Variants in OR9K2 observed in about 807,000 individuals in gnomAD.
OR9K2 encodes olfactory receptor 9K2.
Under a neutral mutation model 12.4 loss-of-function variants are expected in OR9K2, and 16 were observed. The observed-to-expected ratio is 1.29, with a 90% confidence interval of 0.87 to 1.95. The LOEUF is 1.95. Ranked by LOEUF, OR9K2 falls within the 30% of genes most tolerant of loss-of-function variation. The probability of loss-of-function intolerance (pLI) is 0.00; values close to 1 mark genes in which losing one functional copy is unlikely to be tolerated. For missense variants in OR9K2, 434 were observed against 376.5 expected, an observed-to-expected ratio of 1.15 and a Z score of -1.26; for synonymous variants, 133 against 133.2, an observed-to-expected ratio of 1.00 and a Z score of 0.01.
In OR9K2 at chr12:55,129,924, C is replaced by T; in HGVS notation, c.90C>T (p.Leu30=). 1 of 1,614,056 alleles carries T rather than the reference C, an allele frequency of 6.2e-7. No homozygotes were observed. Among genetic ancestry groups the T allele is most frequent in the Non-Finnish European group, 8.5e-7 (1 of 1,179,964 alleles). The stretch of plus-strand genomic sequence containing the variant: ...TACGCCCAGAGCTCCACATTCTCCT[C>T]TTCCTGCTATTTTTGTTTGTTTATG... ...FRVRPELHIL[L]FLLFLFVYAM... is the part of the protein sequence containing the mutation. The change falls in exon 3 of 3, where the codon CTC becomes CTT. Residue 30 remains leucine, a synonymous_variant. Coordinates refer to ENST00000641329, the MANE Select transcript of OR9K2 (RefSeq NM_001005243.2).
Position 55,131,744 on chromosome 12 carries a change from T to A in OR9K2, c.*968T>A, listed in dbSNP as rs1953474901. On this transcript the variant is annotated 3_prime_UTR_variant, in exon 3 of 3. Coordinates refer to ENST00000641329, the MANE Select transcript of OR9K2 (RefSeq NM_001005243.2). ...ATTTTGCCAAAGGTACTCATAGAGA[T>A]CACAAAGTGGGGTGCCTGAAAGAAG... The A allele has an allele frequency of 6.6e-6, 1 of 152,112 alleles. No individual in the cohort carries two copies. The highest frequency in any genetic ancestry group is 2.4e-5 in the African/African-American group (1 of 41,414). 9.4% of individuals were successfully genotyped at this position (152,112 alleles called of 1,614,324 possible).
At chr12:55,129,314 C>G (rs751409816) in intron 2 of OR9K2, among the ~76,000 whole-genome samples, 1 of 151,928 alleles carries the variant, frequency 6.6e-6, no homozygotes, top group Non-Finnish European at 1.5e-5. Context: ...TTGCACTTCT[C>G]AAGTAGGTTT....
chr12:55,127,051 C>T (rs1309675788), intron 2 of OR9K2, 140 bp downstream of exon 2: 1 of 151,962 alleles, frequency 6.6e-6, no homozygotes, highest in Non-Finnish European at 1.5e-5. Flanking sequence ...TATAATGTTA[C>T]AATGTTTATA....
In OR9K2 at chr12:55,132,390, A is replaced by T. The variant is rs1434752765; in HGVS notation, c.*1614A>T. 6.6e-6 allele frequency: 1 copy of T among 152,238 alleles called. No homozygotes were observed. Among genetic ancestry groups the T allele is most frequent in the Non-Finnish European group, 1.5e-5 (1 of 68,044 alleles). 9.4% of individuals were successfully genotyped at this position (152,238 alleles called of 1,614,324 possible). On this transcript the variant is annotated 3_prime_UTR_variant, in exon 3 of 3. Coordinates refer to ENST00000641329, the MANE Select transcript of OR9K2 (RefSeq NM_001005243.2). ...AATTGAGTTAAAATAAGGCTGTAAGATAAATCCTAATTCAGTATCATTTGT... is the reference window on the plus strand; with the variant it reads ...AATTGAGTTAAAATAAGGCTGTAAGTTAAATCCTAATTCAGTATCATTTGT...
Position 55,129,935 on chromosome 12 carries a change from T to G in OR9K2, c.101T>G (p.Phe34Cys), listed in dbSNP as rs187969067. 4 of 1,614,048 alleles carry G rather than the reference T, an allele frequency of 2.5e-6. No individual in the cohort carries two copies. Among genetic ancestry groups the G allele is most frequent in the Middle Eastern group, 1.6e-4 (1 of 6,062 alleles). ...CTCCACATTCTCCTCTTCCTGCTATTTTTGTTTGTTTATGCCATGATCCTT... is the reference window on the plus strand; with the variant it reads ...CTCCACATTCTCCTCTTCCTGCTATGTTTGTTTGTTTATGCCATGATCCTT... ...PELHILLFLLFLFVYAMILLG... is the reference protein window; with the variant it reads ...PELHILLFLLCLFVYAMILLG... The change falls in exon 3 of 3, where the codon TTT becomes TGT. Residue 34 changes from phenylalanine to cysteine, a missense_variant. Coordinates refer to ENST00000641329, the MANE Select transcript of OR9K2 (RefSeq NM_001005243.2).
rs1424093285 is a variant in OR9K2, at chr12:55,131,504, G to A, written c.*728G>A. On this transcript the variant is annotated 3_prime_UTR_variant, in exon 3 of 3. Transcript: ENST00000641329. ...TAATTGATAAGGAATAGTTAATAAA[G>A]GTATAGAATCAGGGAAGTCATCAAA... 1 of 152,004 alleles carries A rather than the reference G, an allele frequency of 6.6e-6. No homozygotes were observed. The highest frequency in any genetic ancestry group is 2.4e-5 in the African/African-American group (1 of 41,382). The allele number at this position is 152,004 out of a possible 1,614,324, so 9.4% of individuals were successfully genotyped here. A position where few individuals can be genotyped will look rare whatever the true frequency, so the allele number is the denominator to read the frequency against.
intron 2 of OR9K2, among the ~76,000 whole-genome samples, chr12:55,127,138 C>CT (rs1301493370): frequency 6.6e-6 from 1 of 151,518 alleles, no homozygotes; most frequent in Non-Finnish European, 1.5e-5. Context: ...TATCATTCAG[C>CT]TTTTTTCTAC....
chr12:55,128,933 G>T (rs1953447663), intron 2 of OR9K2, among the ~76,000 whole-genome samples: 1 of 152,086 alleles, frequency 6.6e-6, no homozygotes, highest in Non-Finnish European at 1.5e-5. Flanking sequence ...ACATAGAGGG[G>T]AAAAACACAC....
At position 55,131,331 on chromosome 12, in the gene OR9K2, ATGT is replaced by A. The variant is rs1457497561; in HGVS notation, c.*559_*561del. ...TAATCTTTATACATTAATTTGGAAA[ATGT>A]TGTACTTCATTATTGTGGAGTGCTC... On this transcript the variant is annotated 3_prime_UTR_variant, in exon 3 of 3. Transcript: ENST00000641329. 6.6e-6 allele frequency: 1 copy of A among 152,378 alleles called. No homozygotes were observed. Among genetic ancestry groups the A allele is most frequent in the Non-Finnish European group, 1.5e-5 (1 of 68,206 alleles). The allele number at this position is 152,378 out of a possible 1,614,324, so 9.4% of individuals were successfully genotyped here.
Position 55,131,082 on chromosome 12 carries a change from T to A in OR9K2, c.*306T>A. The A allele has an allele frequency of 4.9e-6, 1 of 202,580 alleles. No individual in the cohort carries two copies. The highest frequency in any genetic ancestry group is 1.3e-4 in the East Asian group (1 of 7,902). The allele number at this position is 202,580 out of a possible 1,614,324, so 12.5% of individuals were successfully genotyped here. On this transcript the variant is annotated 3_prime_UTR_variant, in exon 3 of 3. Transcript: ENST00000641329. Reference sequence around the variant, plus strand: ...GCATAATGTAGAACAATATTTTGTATTTTGTTATAGTGCTTCAGCAAGATT... The same window carrying A: ...GCATAATGTAGAACAATATTTTGTAATTTGTTATAGTGCTTCAGCAAGATT...
intron 2 of OR9K2, among the ~76,000 whole-genome samples, chr12:55,128,041 T>C (rs570216449): frequency 6.6e-6 from 1 of 152,072 alleles, no homozygotes; most frequent in Non-Finnish European, 1.5e-5. Flanking sequence ...CACTGCAGTA[T>C]TGGATGGATA....
rs548932228 is a variant in OR9K2, at chr12:55,132,169, G to GA, written c.*1398dup. 1 of 152,108 alleles carries GA rather than the reference G, an allele frequency of 6.6e-6. No homozygotes were observed. The highest frequency in any genetic ancestry group is 1.5e-5 in the Non-Finnish European group (1 of 68,012). The allele number at this position is 152,108 out of a possible 1,614,324, so 9.4% of individuals were successfully genotyped here. The stretch of plus-strand genomic sequence containing the variant: ...CTAGAAGCTTTCCTACTATTATCAG[G>GA]AAAAATGCAAGGATGCCTTCTCTCA... On this transcript the variant is annotated 3_prime_UTR_variant, in exon 3 of 3. Coordinates refer to ENST00000641329, the MANE Select transcript of OR9K2 (RefSeq NM_001005243.2).
At chr12:55,128,515 C>G (rs1459166766) in intron 2 of OR9K2, among the ~76,000 whole-genome samples, 2 of 151,994 alleles carry the variant, frequency 1.3e-5, no homozygotes, top group East Asian at 3.9e-4. Context: ...CTTCATTTCT[C>G]TGTACCTCAA....
At chr12:55,128,145 C>T (rs774960824) in intron 2 of OR9K2, among the ~76,000 whole-genome samples, 79 of 151,690 alleles carry the variant, frequency 5.2e-4, no homozygotes, top group Non-Finnish European at 8.1e-4. Context: ...AGACACATAA[C>T]GTTATGCTGA....
chr12:55,126,912 G>C lies in OR9K2; in HGVS notation c.-10+1G>C, dbSNP rs1003716846. On this transcript the variant is annotated splice_donor_variant, in intron 2 of 2. Transcript: ENST00000641329. LOFTEE classifies it low-confidence loss of function (5UTR_SPLICE). Reference sequence around the variant, plus strand: ...CTGACCAGTTACTAAACAATACAAGGTAAAAGTAACTTAAAACCTGTAAGT... The same window carrying C: ...CTGACCAGTTACTAAACAATACAAGCTAAAAGTAACTTAAAACCTGTAAGT... 1 of 152,026 alleles carries C rather than the reference G, an allele frequency of 6.6e-6. No individual in the cohort carries two copies. Among genetic ancestry groups the C allele is most frequent in the Non-Finnish European group, 1.5e-5 (1 of 67,954 alleles). The allele number at this position is 152,026 out of a possible 1,614,324, so 9.4% of individuals were successfully genotyped here.
Position 55,131,044 on chromosome 12 carries a change from A to G in OR9K2, c.*268A>G. The G allele has an allele frequency of 3.5e-6, 1 of 285,002 alleles. No homozygotes were observed. The highest frequency in any genetic ancestry group is 5.9e-5 in the South Asian group (1 of 16,840). The allele number at this position is 285,002 out of a possible 1,614,324, so 17.7% of individuals were successfully genotyped here. ...ATTTTATTTCACAGAATTTATATCT[A>G]TTGATTCTTGTGGCATAATGTAGAA... On this transcript the variant is annotated 3_prime_UTR_variant, in exon 3 of 3. Coordinates refer to ENST00000641329, the MANE Select transcript of OR9K2 (RefSeq NM_001005243.2).
intron 2 of OR9K2, among the ~76,000 whole-genome samples, chr12:55,128,555 T>C (rs117756032): frequency 2.6e-3 from 397 of 152,166 alleles, no homozygotes; most frequent in Non-Finnish European, 5.1e-3. Flanking sequence ...GGGAATATAA[T>C]AATAACCACC....
In OR9K2 at chr12:55,129,895, A is replaced by G. The variant is rs763810495; in HGVS notation, c.61A>G (p.Arg21Gly). The change falls in exon 3 of 3, where the codon AGG becomes GGG. Residue 21 changes from arginine (R) to glycine (G), a missense_variant. Transcript: ENST00000641329. The part of the protein sequence containing the change: ...EMTDFILAGF[R>G]VRPELHILLF... Reference sequence around the variant, plus strand: ...GACTGACTTCATTCTTGCAGGCTTCAGGGTACGCCCAGAGCTCCACATTCT... The same window carrying G: ...GACTGACTTCATTCTTGCAGGCTTCGGGGTACGCCCAGAGCTCCACATTCT... The G allele has an allele frequency of 7.4e-6, 12 of 1,614,024 alleles. No homozygotes were observed. Among genetic ancestry groups the G allele is most frequent in the Middle Eastern group, 3.3e-4 (2 of 6,062 alleles).
In OR9K2 at chr12:55,129,930, G is replaced by T; in HGVS notation, c.96G>T (p.Leu32=). 2 of 1,613,922 alleles carry T rather than the reference G, an allele frequency of 1.2e-6. No individual in the cohort carries two copies. Among genetic ancestry groups the T allele is most frequent in the Non-Finnish European group, 1.7e-6 (2 of 1,179,934 alleles). Residue 32 remains leucine (L), a synonymous_variant, in exon 3 of 3, where the codon CTG becomes CTT. Transcript: ENST00000641329. ...CAGAGCTCCACATTCTCCTCTTCCT[G>T]CTATTTTTGTTTGTTTATGCCATGA... ...VRPELHILLF[L]LFLFVYAMIL... is the part of the protein sequence containing the mutation.
Sources: gnomAD v4.1 joint callset for allele counts (sites outside exome capture counted in the v4.1 genomes callset) on GRCh38, gnomAD v4.1.1 for gene constraint, MANE v1.5 for transcripts, NCBI Gene and HGNC (gene_info 2026-07-23, HGNC 2026-07-21) for gene names.